The following HECW2 variants were observed in gnomAD, a reference collection of about 807,000 sequenced individuals.
HECW2 encodes E3 ubiquitin-protein ligase HECW2.
In HECW2, 61 loss-of-function variants were observed where a neutral mutation model predicts 175.2. The ratio of observed to expected loss-of-function variants is 0.35; its 90% CI spans 0.28 to 0.43. The LOEUF (loss-of-function observed/expected upper bound fraction) is 0.43, where lower values mean the gene tolerates loss of function less well. Ranked by LOEUF, HECW2 falls within the 20% of genes least tolerant of loss-of-function variation. The probability of loss-of-function intolerance (pLI) is 1.00; values close to 1 mark genes in which losing one functional copy is unlikely to be tolerated. For synonymous variants in HECW2, 671 were observed against 731.0 expected (o/e 0.92, Z 1.32); for missense variants, 1,524 against 2,000.5 (o/e 0.76, Z 4.54).
chr2:196,352,974 T>C (rs1575449700), intron 2 of HECW2, among the ~76,000 whole-genome samples: 3 of 152,212 alleles, frequency 2.0e-5, no homozygotes, highest in South Asian at 2.1e-4. Context: ...CTCTCTTCTG[T>C]TCAGTGGCTC....
chr2:196,317,314 A>C lies in HECW2; in HGVS notation c.2394T>G (p.Asp798Glu). The change falls in exon 10 of 29, where the codon GAT becomes GAG. Residue 798 changes from aspartate (D) to glutamate (E), a missense_variant. By Grantham distance (45) the Asp-to-Glu change is conservative. Transcript: ENST00000644978. ...PLRSLPSVRQ[D>E]VSRYQRVDEA... is the part of the protein sequence containing the mutation. The stretch of plus-strand genomic sequence containing the variant: ...CGTCCACCCTCTGGTACCGGCTAAC[A>C]TCCTGGCGCACTGAAGGTAGTGATC... 6.2e-7 allele frequency: 1 copy of C among 1,613,642 alleles called. No homozygotes were observed. Among genetic ancestry groups the C allele is most frequent in the Non-Finnish European group, 8.5e-7 (1 of 1,179,830 alleles).
chr2:196,273,049 A>T (rs1160318601), intron 16 of HECW2, among the ~76,000 whole-genome samples: 2 of 113,140 alleles, frequency 1.8e-5, no homozygotes, highest in African/African-American at 3.9e-5. Context: ...AGCTGGTCTA[A>T]TTTTTTTTTT....
At chr2:196,356,364 T>C (rs1356440962) in intron 2 of HECW2, among the ~76,000 whole-genome samples, 1 of 152,222 alleles carries the variant, frequency 6.6e-6, no homozygotes, top group Non-Finnish European at 1.5e-5. Context: ...GCAATTTCCA[T>C]TACCCAAAGT....
intron 2 of HECW2, among the ~76,000 whole-genome samples, chr2:196,383,947 C>G (rs1238014023): frequency 6.6e-6 from 1 of 152,164 alleles, no homozygotes; most frequent in Non-Finnish European, 1.5e-5. Context: ...GACTGTGTCT[C>G]ATATTACTCA....
At chr2:196,563,087 G>C (rs376237452) in intron 1 of HECW2, among the ~76,000 whole-genome samples, 1 of 152,026 alleles carries the variant, frequency 6.6e-6, no homozygotes, top group Non-Finnish European at 1.5e-5. Context: ...CCAGCCTCTT[G>C]ATATGCTTAT....
intron 2 of HECW2, among the ~76,000 whole-genome samples, chr2:196,354,930 T>C (rs1408118541): frequency 6.6e-6 from 1 of 152,214 alleles, no homozygotes; most frequent in Non-Finnish European, 1.5e-5. Context: ...CATCTTAAAG[T>C]TCCTTCTTGA....
intron 2 of HECW2, among the ~76,000 whole-genome samples, chr2:196,360,494 A>T (rs1266802410): frequency 6.6e-6 from 1 of 152,176 alleles, no homozygotes; most frequent in Non-Finnish European, 1.5e-5. Flanking sequence ...GAGCTAAGAG[A>T]TGAGACTCAT....
At chr2:196,329,105 ACAAG>A (rs1170355829) in intron 5 of HECW2, among the ~76,000 whole-genome samples, 2 of 152,154 alleles carry the variant, frequency 1.3e-5, no homozygotes, top group Non-Finnish European at 2.9e-5. Context: ...TGGTAAACAT[ACAAG>A]CAATTTGAAC....
At chr2:196,309,052 A>C (rs1238802226) in intron 10 of HECW2, among the ~76,000 whole-genome samples, 2 of 152,214 alleles carry the variant, frequency 1.3e-5, no homozygotes, top group African/African-American at 4.8e-5. Flanking sequence ...AAAACTGTCC[A>C]TGTGATCACA....
intron 4 of HECW2, among the ~76,000 whole-genome samples, chr2:196,332,526 TGTTTGAAGC>T: frequency 6.6e-6 from 1 of 152,240 alleles, no homozygotes. Context: ...CTCTGAAACC[TGTTTGAAGC>T]AAATTATCTC....
intron 5 of HECW2, among the ~76,000 whole-genome samples, chr2:196,325,873 C>T (rs1322994822): frequency 2.6e-5 from 4 of 152,172 alleles, no homozygotes; most frequent in Non-Finnish European, 5.9e-5. Context: ...ACACTATATG[C>T]TGCTAAAAGT....
At chr2:196,508,047 A>G (rs1400999825) in intron 1 of HECW2, among the ~76,000 whole-genome samples, 1 of 152,228 alleles carries the variant, frequency 6.6e-6, no homozygotes, top group Non-Finnish European at 1.5e-5. Context: ...TTGTTTTCTT[A>G]TGCCATTTAT....
rs144128712 is a variant in HECW2 at position 196,463,571 on chromosome 2, T to C, written c.-35-30113A>G. Among the ~76,000 whole-genome samples, 926 of 152,302 alleles carry C rather than the reference T, an allele frequency of 6.1e-3. 4 individuals carry two copies. Among genetic ancestry groups the C allele is most frequent in the Middle Eastern group, 0.01 (3 of 294 alleles). On this transcript the variant is annotated intron_variant, in intron 1 of 28. Coordinates refer to ENST00000644978, the MANE Select transcript of HECW2 (RefSeq NM_001348768.2). Reference sequence around the variant, plus strand: ...TTCGTTTGCATTATGACTATAACAGTAGTAATTGCAGAGAAAGTGCTAATT... The same window carrying C: ...TTCGTTTGCATTATGACTATAACAGCAGTAATTGCAGAGAAAGTGCTAATT...
chr2:196,304,281 G>C (rs868091187), intron 13 of HECW2, among the ~76,000 whole-genome samples: 14 of 152,198 alleles, frequency 9.2e-5, no homozygotes, highest in Middle Eastern at 6.8e-3. Context: ...TTTTATGACG[G>C]CTTGAATGTG....
intron 2 of HECW2, among the ~76,000 whole-genome samples, chr2:196,355,661 T>C (rs992620907): frequency 6.6e-6 from 1 of 152,160 alleles, no homozygotes; most frequent in Non-Finnish European, 1.5e-5. Flanking sequence ...CAAAAATTCA[T>C]TCAACAAATA....
intron 5 of HECW2, among the ~76,000 whole-genome samples, chr2:196,326,382 C>T (rs1187223507): frequency 6.6e-6 from 1 of 152,040 alleles, no homozygotes; most frequent in East Asian, 1.9e-4. Flanking sequence ...TCTAATGACA[C>T]ACACCTGGCA....
intron 2 of HECW2, among the ~76,000 whole-genome samples, chr2:196,344,322 GAAAAAAAAAA>G (rs60573890): frequency 4.4e-4 from 30 of 67,660 alleles, no homozygotes; most frequent in African/African-American, 1.7e-3. Flanking sequence ...GACAAGATAA[GAAAAAAAAAA>G]AAAAAAAAAA....
chr2:196,213,975 T>C (rs951839092), intron 28 of HECW2, among the ~76,000 whole-genome samples: 4 of 152,324 alleles, frequency 2.6e-5, no homozygotes, highest in Admixed American at 2.6e-4. Context: ...CTAGGTCTTT[T>C]AACTCCTACC....
chr2:196,442,160 A>G (rs1696061658), intron 1 of HECW2, among the ~76,000 whole-genome samples: 1 of 152,132 alleles, frequency 6.6e-6, no homozygotes, highest in Admixed American at 6.6e-5. Flanking sequence ...TATTTAACTC[A>G]TTTAGTTATT....
Sources: allele counts gnomAD v4.1 joint callset (sites outside exome capture counted in the v4.1 genomes callset), GRCh38; gene constraint gnomAD v4.1.1; transcripts MANE v1.5; gene names NCBI Gene and HGNC (gene_info 2026-07-23, HGNC 2026-07-21).